The following SP110 variants were observed in gnomAD, a reference collection of about 807,000 sequenced individuals.
SP110 encodes the protein interferon-induced protein 41, 30kD.
Under a neutral mutation model 92.7 loss-of-function variants are expected in SP110, and 62 were observed. The ratio of observed to expected loss-of-function variants is 0.67; its 90% CI spans 0.55 to 0.83. SP110 has a LOEUF of 0.83. Among genes scored for constraint, SP110 ranks in the 40% least tolerant of loss-of-function variants. The pLI is 0.00. For synonymous variants in SP110, 273 were observed against 305.3 expected, an observed-to-expected ratio of 0.89 and a Z score of 1.10; for missense variants, 793 against 863.9, an observed-to-expected ratio of 0.92 and a Z score of 1.03.
At chr2:230,208,138 T>G in intron 7 of SP110, 79 bp from the exon 8 acceptor site, 1 of 881,552 alleles carries the variant, frequency 1.1e-6, no homozygotes, top group Non-Finnish European at 1.8e-6. Context: ...CAGCTTTTAC[T>G]TTTGGTCTTC....
intron 10 of SP110, among the ~76,000 whole-genome samples, chr2:230,197,041 C>A (rs1221195197): frequency 2.6e-5 from 4 of 152,148 alleles, no homozygotes; most frequent in Admixed American, 6.5e-5. Flanking sequence ...GATTTATAAT[C>A]CTTTGGGTAT....
chr2:230,182,372 T>G (rs2042166966), intron 12 of SP110, among the ~76,000 whole-genome samples: 1 of 152,132 alleles, frequency 6.6e-6, no homozygotes, highest in Admixed American at 6.5e-5. Flanking sequence ...ACCTAGGGGA[T>G]GGGTTGATAG....
chr2:230,170,356 G>T (rs530335973), intron 18 of SP110, among the ~76,000 whole-genome samples: 5 of 151,900 alleles, frequency 3.3e-5, no homozygotes, highest in African/African-American at 1.2e-4. Flanking sequence ...TACTGCTCTC[G>T]TTGGGAGCGA....
At chr2:230,186,847 T>A (rs894423162) in intron 10 of SP110, among the ~76,000 whole-genome samples, 1 of 152,250 alleles carries the variant, frequency 6.6e-6, no homozygotes, top group African/African-American at 2.4e-5. Context: ...TCTTTTTTTA[T>A]GGCTGAGTAA....
chr2:230,171,799 A>AT (rs1395754929), intron 16 of SP110, 32 bp from the exon 17 acceptor site: 14 of 1,534,084 alleles, frequency 9.1e-6, no homozygotes, highest in Non-Finnish European at 1.3e-5. Flanking sequence ...TGAAAGTGAA[A>AT]TGCAGCTTAG....
At chr2:230,179,919 C>A (rs1370360361) in intron 12 of SP110, among the ~76,000 whole-genome samples, 1 of 152,096 alleles carries the variant, frequency 6.6e-6, no homozygotes, top group Admixed American at 6.5e-5. Context: ...GGCCTTTAGA[C>A]CCGAGGACTT....
At chr2:230,217,245 CAA>C (rs6147220) in intron 1 of SP110, among the ~76,000 whole-genome samples, 5 of 79,790 alleles carry the variant, frequency 6.3e-5, no homozygotes, top group Admixed American at 1.5e-4. Context: ...GACTCCATCT[CAA>C]AAAAAAAAAA....
At chr2:230,176,641 G>T in intron 14 of SP110, 17 of 1,613,956 alleles carry the variant, frequency 1.1e-5, no homozygotes, top group Non-Finnish European at 1.4e-5. Flanking sequence ...TCTGCAACAT[G>T]GTGACTGAGA....
At position 230,185,981 on chromosome 2, in the gene SP110, T is replaced by G; in HGVS notation, c.1279+13A>C. 2 of 1,613,290 alleles carry G rather than the reference T, an allele frequency of 1.2e-6. No individual in the cohort carries two copies. The highest frequency in any genetic ancestry group is 1.7e-6 in the Non-Finnish European group (2 of 1,179,218). ...TGAGCTATTCAAATAGCAGATTCCA[T>G]CATTAGCCTTACCTTTCAATCTGGA... is the stretch of plus-strand genomic sequence containing the variant. On this transcript the variant is annotated intron_variant, in intron 11 of 18. Transcript: ENST00000258381.
At chr2:230,170,941 A>G (rs1308647385) in intron 17 of SP110, 180 bp from the exon 18 acceptor site, 1 of 661,806 alleles carries the variant, frequency 1.5e-6, no homozygotes, top group Non-Finnish European at 2.7e-6. Flanking sequence ...GTATATGAAT[A>G]TGTAATCTCC....
In SP110 at chr2:230,174,147, C is replaced by G. The variant is rs377660727; in HGVS notation, c.1591-1188G>C. 7.2e-5 allele frequency: 11 copies of G among 152,200 alleles called. No individual in the cohort carries two copies. The East Asian group carries it at 2.1e-3, about 30-fold the overall frequency. The allele number at this position is 152,200 out of a possible 1,614,324, so 9.4% of individuals were successfully genotyped here. A position where few individuals can be genotyped will look rare whatever the true frequency, so the allele number is the denominator to read the frequency against. On this transcript the variant is annotated intron_variant, in intron 14 of 18. Transcript: ENST00000258381. Reference sequence around the variant, plus strand: ...TAAACTAAAACAAAAAAGTATGGGCCACTGCCCCAGGCATAGTACAGGGAT... The same window carrying G: ...TAAACTAAAACAAAAAAGTATGGGCGACTGCCCCAGGCATAGTACAGGGAT...
At position 230,168,917 on chromosome 2, in the gene SP110, A is replaced by ATTAATTTTT. The variant is rs5839361; in HGVS notation, c.*206_*207insAAAAATTAA. On this transcript the variant is annotated 3_prime_UTR_variant, in exon 19 of 19. Coordinates refer to ENST00000258381, the MANE Select transcript of SP110 (RefSeq NM_080424.4). ...ATCTGATGGTATTAAGGAAGTATTA[A>ATTAATTTTT]TTTTTTTTTTTTTTAGTGTAGATAT... The ATTAATTTTT allele has an allele frequency of 1.9e-5, 8 of 425,914 alleles. No individual in the cohort carries two copies. The highest frequency in any genetic ancestry group is 7.6e-5 in the South Asian group (3 of 39,620). The allele number at this position is 425,914 out of a possible 1,614,324, so 26.4% of individuals were successfully genotyped here.
chr2:230,187,114 C>T (rs550205108), intron 10 of SP110, among the ~76,000 whole-genome samples: 106 of 152,256 alleles, frequency 7.0e-4, no homozygotes, highest in African/African-American at 2.4e-3. Context: ...TTTGCACTCC[C>T]ACCAGCAGTG....
upstream of SP110, among the ~76,000 whole-genome samples, chr2:230,223,953 G>A (rs2046029008): frequency 6.6e-6 from 1 of 152,206 alleles, no homozygotes; most frequent in African/African-American, 2.4e-5. Flanking sequence ...CTGGTCACGT[G>A]GCAGTAAAGG....
chr2:230,198,936 C>T (rs2043000199), intron 10 of SP110, among the ~76,000 whole-genome samples: 1 of 152,008 alleles, frequency 6.6e-6, no homozygotes, highest in Admixed American at 6.6e-5. Context: ...GAGGTGTGCC[C>T]TTCTTTGACT....
At chr2:230,174,872 A>G (rs1401370628) in intron 14 of SP110, among the ~76,000 whole-genome samples, 1 of 152,250 alleles carries the variant, frequency 6.6e-6, no homozygotes, top group Non-Finnish European at 1.5e-5. Flanking sequence ...GCACTGGCTC[A>G]TTCTCAGTCG....
At chr2:230,217,796 G>C (rs559595651) in intron 1 of SP110, among the ~76,000 whole-genome samples, 4 of 152,340 alleles carry the variant, frequency 2.6e-5, no homozygotes, top group African/African-American at 9.6e-5. Context: ...TACGGCTGAA[G>C]CCATTAACTA....
At chr2:230,220,129 G>T, upstream of SP110, 1 of 968,510 alleles carries the variant, frequency 1.0e-6, no homozygotes, top group Non-Finnish European at 1.2e-6. Flanking sequence ...CTCCCAGGAC[G>T]TCTTGGCAGT....
chr2:230,212,540 G>A, intron 4 of SP110, 110 bp from the exon 5 acceptor site: 2 of 1,075,816 alleles, frequency 1.9e-6, no homozygotes, highest in Admixed American at 1.7e-5. Flanking sequence ...AAGGGCAGAG[G>A]GTTGGAATGT....
Sources: gnomAD v4.1 joint callset for allele counts (sites outside exome capture counted in the v4.1 genomes callset) on GRCh38, gnomAD v4.1.1 for gene constraint, MANE v1.5 for transcripts, NCBI Gene and HGNC (gene_info 2026-07-23, HGNC 2026-07-21) for gene names.